Variants in SEZ6L observed in about 807,000 individuals in gnomAD.
SEZ6L encodes seizure related 6 homolog like, also known as seizure 6-like protein.
SEZ6L carries 37 observed loss-of-function variants against 106.2 expected under a neutral mutation model. The observed-to-expected ratio is 0.35, with a 90% CI of 0.27 to 0.46. The LOEUF is 0.46. SEZ6L is among the 20% of genes least tolerant of loss of function. SEZ6L has a pLI of 1.00. For synonymous variants in SEZ6L, 541 were observed against 570.4 expected (o/e 0.95, Z 0.73); for missense variants, 1,172 against 1,332.8 (o/e 0.88, Z 1.88).
intron 9 of SEZ6L, among the ~76,000 whole-genome samples, chr22:26,323,082 C>G (rs527350832): frequency 6.6e-6 from 1 of 152,202 alleles, no homozygotes; most frequent in Non-Finnish European, 1.5e-5. Flanking sequence ...AAGAGAGGAC[C>G]AGAAAGACAA....
intron 1 of SEZ6L, among the ~76,000 whole-genome samples, chr22:26,173,933 C>T (rs949092312): frequency 2.6e-5 from 4 of 152,168 alleles, no homozygotes; most frequent in Non-Finnish European, 4.4e-5. Context: ...AAGGCTCCAC[C>T]TCCAAATGTC....
chr22:26,308,340 C>T (rs2081704047), intron 6 of SEZ6L, among the ~76,000 whole-genome samples: 1 of 151,000 alleles, frequency 6.6e-6, no homozygotes, highest in Non-Finnish European at 1.5e-5. Context: ...TGTTGGGGGG[C>T]TGCAGCAGAA....
chr22:26,238,084 G>A (rs181638595), intron 1 of SEZ6L, among the ~76,000 whole-genome samples: 223 of 152,336 alleles, frequency 1.5e-3, no homozygotes, highest in Admixed American at 2.7e-3. Flanking sequence ...TCCCAGGGCA[G>A]TGGATGAACA....
intron 9 of SEZ6L, among the ~76,000 whole-genome samples, chr22:26,332,071 A>G (rs1042057699): frequency 6.6e-6 from 1 of 152,044 alleles, no homozygotes; most frequent in Non-Finnish European, 1.5e-5. Flanking sequence ...CTAGTGTTCT[A>G]TAACACTGTA....
chr22:26,295,904 A>G (rs769953573), intron 3 of SEZ6L, among the ~76,000 whole-genome samples: 24 of 152,192 alleles, frequency 1.6e-4, no homozygotes, highest in Admixed American at 1.6e-3. Context: ...CAATCAGGGA[A>G]GGTCTCATAG....
intron 1 of SEZ6L, among the ~76,000 whole-genome samples, chr22:26,266,598 TAAATAAATAAATAA>T (rs2080198500): frequency 6.8e-6 from 1 of 147,774 alleles, no homozygotes; most frequent in African/African-American, 2.6e-5. Flanking sequence ...AATAAATAAA[TAAATAAATAAATAA>T]ATAAATAGCA....
At chr22:26,289,479 G>T (rs368019860) in intron 1 of SEZ6L, among the ~76,000 whole-genome samples, 3 of 152,200 alleles carry the variant, frequency 2.0e-5, no homozygotes, top group African/African-American at 7.2e-5. Context: ...GCTCATAACT[G>T]TAACAGGCAG....
chr22:26,348,535 A>G (rs1427599778), intron 11 of SEZ6L, among the ~76,000 whole-genome samples: 1 of 91,062 alleles, frequency 1.1e-5, no homozygotes, highest in Non-Finnish European at 2.1e-5. Context: ...GGAAGGAAGG[A>G]AGGAAGGAAG....
chr22:26,374,507 T>A (rs2084151141), intron 14 of SEZ6L, among the ~76,000 whole-genome samples: 1 of 152,210 alleles, frequency 6.6e-6, no homozygotes, highest in African/African-American at 2.4e-5. Flanking sequence ...CGTGTTAGTC[T>A]CCATTCAGAG....
rs941607895 is a variant in SEZ6L, at chr22:26,292,426, G to A, written c.115G>A (p.Ala39Thr). 6.2e-7 allele frequency: 1 copy of A among 1,613,284 alleles called. No homozygotes were observed. ...CCAAGATGCTCTTCCCGAGGGAGAT[G>A]CTAGCCCTTTGGGTCCTTACCTCCT... ...LERDALPEGD[A>T]SPLGPYLLPS... Residue 39 changes from alanine to threonine, a missense_variant, in exon 2 of 17, where the codon GCT becomes ACT. Physicochemically the swap from Ala to Thr is moderately conservative, Grantham distance 58 (BLOSUM62 0). Around this residue, in one of 4 missense-constraint regions of SEZ6L, gnomAD observed 494 missense variants for 445.8 expected, o/e 1.11. Coordinates refer to ENST00000248933, the MANE Select transcript of SEZ6L (RefSeq NM_021115.5).
chr22:26,224,638 T>C (rs1235185727), intron 1 of SEZ6L, among the ~76,000 whole-genome samples: 1 of 152,070 alleles, frequency 6.6e-6, no homozygotes, highest in Non-Finnish European at 1.5e-5. Context: ...AGGTTTGACA[T>C]AGGATTAGGG....
chr22:26,361,495 A>G (rs1601613628), intron 12 of SEZ6L, among the ~76,000 whole-genome samples: 1 of 129,438 alleles, frequency 7.7e-6, no homozygotes, highest in African/African-American at 3.2e-5. Context: ...TGACAGAGTG[A>G]GACTCTGTCT....
intron 12 of SEZ6L, chr22:26,365,037 A>G (rs749498915): frequency 2.1e-4 from 39 of 189,734 alleles, no homozygotes; most frequent in Non-Finnish European, 3.6e-4. Context: ...CCTAGGAGAT[A>G]GATATTACTT....
At chr22:26,264,376 C>A (rs1327585011) in intron 1 of SEZ6L, among the ~76,000 whole-genome samples, 2 of 152,208 alleles carry the variant, frequency 1.3e-5, no homozygotes, top group Admixed American at 6.5e-5. Context: ...AATCACTTAA[C>A]CTCTCTGAGC....
At chr22:26,317,782 C>A (rs1049006890) in intron 9 of SEZ6L, among the ~76,000 whole-genome samples, 5 of 151,968 alleles carry the variant, frequency 3.3e-5, no homozygotes, top group Non-Finnish European at 7.4e-5. Flanking sequence ...GAGCATTGAC[C>A]AGGAGAGAGG....
At chr22:26,257,911 G>A (rs769839937) in intron 1 of SEZ6L, among the ~76,000 whole-genome samples, 2 of 152,138 alleles carry the variant, frequency 1.3e-5, no homozygotes, top group Non-Finnish European at 2.9e-5. Context: ...ATGAGAATCC[G>A]AACAGACTGC....
intron 10 of SEZ6L, 118 bp from the exon 11 acceptor site, chr22:26,347,601 G>A (rs528808082): frequency 5.6e-5 from 43 of 763,978 alleles, no homozygotes; most frequent in Admixed American, 1.2e-4. Context: ...TTTTGGAAGC[G>A]TGTTGCTCAT....
At chr22:26,374,239 A>T (rs570343046) in intron 14 of SEZ6L, among the ~76,000 whole-genome samples, 2 of 151,242 alleles carry the variant, frequency 1.3e-5, no homozygotes, top group African/African-American at 2.4e-5. Context: ...TATATTTAAA[A>T]ATATATACTG....
intron 9 of SEZ6L, among the ~76,000 whole-genome samples, chr22:26,327,714 T>A (rs1213744082): frequency 6.6e-6 from 1 of 151,674 alleles, no homozygotes; most frequent in Non-Finnish European, 1.5e-5. Flanking sequence ...CACACGCACA[T>A]GCGCCACACA....
Sources: gnomAD v4.1 joint callset for allele counts (sites outside exome capture counted in the v4.1 genomes callset) on GRCh38, gnomAD v4.1.1 for gene constraint, gnomAD v4.1.1 regional missense constraint, MANE v1.5 for transcripts, NCBI Gene and HGNC (gene_info 2026-07-23, HGNC 2026-07-21) for gene names.